Variants in SUMF1 observed in about 807,000 individuals in gnomAD.
SUMF1 encodes the protein sulfatase modifying factor 1.
Under a neutral mutation model 47.6 loss-of-function variants are expected in SUMF1, and 48 were observed. The ratio of observed to expected loss-of-function variants is 1.01; its 90% CI spans 0.80 to 1.28. SUMF1 has a LOEUF of 1.28. Ranked by LOEUF, SUMF1 falls within the 50% of genes most tolerant of loss-of-function variation. The probability of loss-of-function intolerance (pLI) is 0.00; values close to 1 mark genes in which losing one functional copy is unlikely to be tolerated. For missense variants in SUMF1, 571 were observed against 485.4 expected, an observed-to-expected ratio of 1.18 and a Z score of -1.66; for synonymous variants, 230 against 192.1, an observed-to-expected ratio of 1.20 and a Z score of -1.63.
At chr3:4,073,078 C>G (rs577411575) in intron 8 of SUMF1, among the ~76,000 whole-genome samples, 2 of 152,262 alleles carry the variant, frequency 1.3e-5, no homozygotes, top group South Asian at 4.2e-4. Context: ...TTAACGGCAG[C>G]CAGAGAGAAA....
At chr3:4,294,288 C>A (rs1697799374) in intron 8 of SUMF1, among the ~76,000 whole-genome samples, 1 of 152,110 alleles carries the variant, frequency 6.6e-6, no homozygotes, top group Non-Finnish European at 1.5e-5. Context: ...TCAGTAGTTA[C>A]ACGTGGCCAC....
chr3:4,212,396 C>A (rs894096786), intron 8 of SUMF1, among the ~76,000 whole-genome samples: 4 of 152,034 alleles, frequency 2.6e-5, no homozygotes, highest in African/African-American at 9.7e-5. Context: ...CACTCAAAGA[C>A]CCTATCCGAC....
At chr3:4,208,232 C>T (rs1373876983) in intron 8 of SUMF1, among the ~76,000 whole-genome samples, 1 of 152,054 alleles carries the variant, frequency 6.6e-6, no homozygotes, top group Non-Finnish European at 1.5e-5. Flanking sequence ...CCAACTCCAG[C>T]CCCCTCTAGC....
rs1699765055 is a variant in SUMF1, at chr3:4,361,758, T to C, written c.*386A>G. On this transcript the variant is annotated 3_prime_UTR_variant, in exon 9 of 9. Coordinates refer to ENST00000272902, the MANE Select transcript of SUMF1 (RefSeq NM_182760.4). ...GGAGAGACACCCAGAGGTCATGCTG[T>C]CCATCCCTTCATTTGATAGGGGAGG... is the stretch of plus-strand genomic sequence containing the variant. 3.6e-6 allele frequency: 1 copy of C among 277,316 alleles called. No individual in the cohort carries two copies. Among genetic ancestry groups the C allele is most frequent in the Non-Finnish European group, 7.1e-6 (1 of 141,768 alleles). The allele number at this position is 277,316 out of a possible 1,614,324, so 17.2% of individuals were successfully genotyped here.
At chr3:4,271,415 T>A (rs998663061) in intron 8 of SUMF1, among the ~76,000 whole-genome samples, 2 of 152,244 alleles carry the variant, frequency 1.3e-5, no homozygotes, top group Non-Finnish European at 2.9e-5. Flanking sequence ...TCATGAGGTA[T>A]CCTTGACTGA....
intron 8 of SUMF1, among the ~76,000 whole-genome samples, chr3:4,269,317 C>T (rs959531009): frequency 3.9e-5 from 6 of 152,142 alleles, no homozygotes; most frequent in African/African-American, 1.4e-4. Flanking sequence ...CCCACTCCCC[C>T]CATCCCAAAG....
At chr3:4,295,073 T>C (rs1414086589) in intron 8 of SUMF1, among the ~76,000 whole-genome samples, 1 of 152,162 alleles carries the variant, frequency 6.6e-6, no homozygotes, top group Non-Finnish European at 1.5e-5. Context: ...TTATAAATCA[T>C]CAACATTTTT....
chr3:4,358,372 C>CAAA (rs1280434502), downstream of SUMF1, among the ~76,000 whole-genome samples: 2 of 152,006 alleles, frequency 1.3e-5, no homozygotes, highest in Admixed American at 6.6e-5. Context: ...ACAACAACAA[C>CAAA]AAAAAACAAA....
intron 8 of SUMF1, among the ~76,000 whole-genome samples, chr3:4,242,573 G>A (rs543798664): frequency 6.6e-6 from 1 of 152,240 alleles, no homozygotes; most frequent in African/African-American, 2.4e-5. Context: ...GATAGATTAT[G>A]TTTATTGATT....
intron 8 of SUMF1, among the ~76,000 whole-genome samples, chr3:4,209,091 T>A (rs1423503594): frequency 6.6e-6 from 1 of 152,156 alleles, no homozygotes; most frequent in Non-Finnish European, 1.5e-5. Flanking sequence ...TTCACAAGAT[T>A]CTCCAGTTAA....
intron 8 of SUMF1, among the ~76,000 whole-genome samples, chr3:4,239,888 TATG>T (rs1480642842): frequency 6.6e-6 from 1 of 152,196 alleles, no homozygotes; most frequent in African/African-American, 2.4e-5. Flanking sequence ...GCCCATTCAG[TATG>T]ATATTGGCTG....
At chr3:4,229,367 C>T in intron 8 of SUMF1, 1 of 406,032 alleles carries the variant, frequency 2.5e-6, no homozygotes, top group Non-Finnish European at 4.9e-6. Flanking sequence ...TGTCCACAGC[C>T]CCAAAAGCCA....
At chr3:4,350,648 A>C (rs937248443) in intron 8 of SUMF1, among the ~76,000 whole-genome samples, 1 of 152,206 alleles carries the variant, frequency 6.6e-6, no homozygotes, top group African/African-American at 2.4e-5. Flanking sequence ...TAAATAGTTA[A>C]AAATGAGATA....
At chr3:4,340,091 A>G (rs1699238550) in intron 8 of SUMF1, among the ~76,000 whole-genome samples, 1 of 146,848 alleles carries the variant, frequency 6.8e-6, no homozygotes, top group Non-Finnish European at 1.5e-5. Context: ...ACACACACAC[A>G]CAGGCACCAA....
chr3:4,271,687 G>C (rs1212145913), intron 8 of SUMF1, among the ~76,000 whole-genome samples: 2 of 152,120 alleles, frequency 1.3e-5, no homozygotes, highest in African/African-American at 4.8e-5. Flanking sequence ...ATTTTGTAGA[G>C]ACAGGGGTCT....
At chr3:4,358,420 C>T (rs528780550), downstream of SUMF1, among the ~76,000 whole-genome samples, 5 of 152,278 alleles carry the variant, frequency 3.3e-5, no homozygotes, top group South Asian at 1.0e-3. Flanking sequence ...ATCGACCAAA[C>T]GGTCTGCTCG....
chr3:4,076,238 GA>G (rs1394392923), intron 8 of SUMF1, among the ~76,000 whole-genome samples: 5 of 152,154 alleles, frequency 3.3e-5, no homozygotes, highest in African/African-American at 1.2e-4. Context: ...AAGCAATGGG[GA>G]AAGGATTCCC....
At chr3:4,103,303 T>C (rs150001441) in intron 8 of SUMF1, among the ~76,000 whole-genome samples, 4 of 152,028 alleles carry the variant, frequency 2.6e-5, no homozygotes, top group South Asian at 2.1e-4. Flanking sequence ...GTTGGGTAGA[T>C]AGAAATATAT....
At chr3:4,260,101 G>A (rs1371934295) in intron 8 of SUMF1, among the ~76,000 whole-genome samples, 2 of 151,908 alleles carry the variant, frequency 1.3e-5, no homozygotes, top group Non-Finnish European at 2.9e-5. Flanking sequence ...TCTCATTTAT[G>A]ACTCAGGAAC....
Sources: allele counts gnomAD v4.1 joint callset (sites outside exome capture counted in the v4.1 genomes callset), GRCh38; gene constraint gnomAD v4.1.1; transcripts MANE v1.5; gene names NCBI Gene and HGNC (gene_info 2026-07-23, HGNC 2026-07-21).